Variants in NIM1K observed in about 807,000 individuals in gnomAD.
NIM1K encodes the protein serine/threonine-protein kinase NIM1.
Under a neutral mutation model 37.1 loss-of-function variants are expected in NIM1K, and 35 were observed. That is an observed-to-expected ratio of 0.94 (90% confidence interval 0.72 to 1.25). The LOEUF is 1.25. NIM1K is among the 50% of genes most tolerant of loss of function. The pLI, the probability that NIM1K is intolerant of heterozygous loss-of-function variation, is 0.00. For synonymous variants in NIM1K, 234 were observed against 206.6 expected, an observed-to-expected ratio of 1.13 and a Z score of -1.14; for missense variants, 564 against 548.0, an observed-to-expected ratio of 1.03 and a Z score of -0.29.
chr5:43,222,228 C>T (rs1752390638), intron 1 of NIM1K, among the ~76,000 whole-genome samples: 2 of 152,228 alleles, frequency 1.3e-5, no homozygotes, highest in South Asian at 4.2e-4. Context: ...TGTCCAATCA[C>T]TGAAGGGTGA....
At chr5:43,264,173 C>T (rs557682634) in intron 2 of NIM1K, among the ~76,000 whole-genome samples, 3 of 152,222 alleles carry the variant, frequency 2.0e-5, no homozygotes, top group Non-Finnish European at 2.9e-5. Context: ...TCCTGGATAT[C>T]CTTGTTAACT....
intron 2 of NIM1K, among the ~76,000 whole-genome samples, chr5:43,266,000 G>A (rs935574387): frequency 6.6e-6 from 1 of 152,202 alleles, no homozygotes; most frequent in Non-Finnish European, 1.5e-5. Context: ...CATCTCAGAG[G>A]GTCACCCAGC....
intron 2 of NIM1K, among the ~76,000 whole-genome samples, chr5:43,271,608 G>A (rs1753258224): frequency 6.6e-6 from 1 of 152,226 alleles, no homozygotes; most frequent in South Asian, 2.1e-4. Flanking sequence ...CTTGCATCTT[G>A]CAAAACTATA....
chr5:43,245,670 C>G lies in NIM1K; in HGVS notation c.-106C>G, dbSNP rs1437410937. 2 of 1,112,230 alleles carry G rather than the reference C, an allele frequency of 1.8e-6. No homozygotes were observed. Among genetic ancestry groups the G allele is most frequent in the African/African-American group, 1.6e-5 (1 of 63,738 alleles). The allele number at this position is 1,112,230 out of a possible 1,614,324, so 68.9% of individuals were successfully genotyped here. ...AGCTCTCAGGAAAACTCTTTTGAAC[C>G]CTGGGCACCTGCTGTCCTCAGTTGG... On this transcript the variant is annotated 5_prime_UTR_variant, in exon 2 of 4. Coordinates refer to ENST00000326035, the MANE Select transcript of NIM1K (RefSeq NM_153361.4).
rs1404445871 is a variant in NIM1K at position 43,210,932 on chromosome 5, AGGCCAAGGCAGGCG to A, written c.-695+18523_-695+18536del. ...ACGCCTGTAATCCCAGCACTTTGGG[AGGCCAAGGCAGGCG>A]GATCACTTGAGGTCGGGAGTTGGAG... On this transcript the variant is annotated intron_variant, in intron 1 of 3. Transcript: ENST00000326035. Among the ~76,000 whole-genome samples the A allele has an allele frequency of 5.3e-5, 8 of 152,312 alleles. No individual in the cohort carries two copies. In the South Asian group the frequency reaches 1.0e-3, roughly 20 times the overall value.
chr5:43,200,555 C>A (rs1447160606), intron 1 of NIM1K, among the ~76,000 whole-genome samples: 1 of 152,140 alleles, frequency 6.6e-6, no homozygotes, highest in African/African-American at 2.4e-5. Context: ...CCGCCTCAGC[C>A]TCCCAAAGTG....
At position 43,245,602 on chromosome 5, in the gene NIM1K, G is replaced by A. The variant is rs1014699355; in HGVS notation, c.-174G>A. 3.4e-6 allele frequency: 2 copies of A among 596,302 alleles called. No homozygotes were observed. The highest frequency in any genetic ancestry group is 1.8e-5 in the African/African-American group (1 of 54,150). The allele number at this position is 596,302 out of a possible 1,614,324, so 36.9% of individuals were successfully genotyped here. On this transcript the variant is annotated 5_prime_UTR_variant, in exon 2 of 4. Transcript: ENST00000326035. Reference sequence around the variant, plus strand: ...TGGGCTGGGCAGACTCAGCTACCACGTTCACTGCCTTCCTCTCACTAAAGC... The same window carrying A: ...TGGGCTGGGCAGACTCAGCTACCACATTCACTGCCTTCCTCTCACTAAAGC...
At chr5:43,213,496 T>C (rs1752251198) in intron 1 of NIM1K, among the ~76,000 whole-genome samples, 1 of 147,388 alleles carries the variant, frequency 6.8e-6, no homozygotes, top group South Asian at 2.1e-4. Context: ...CATCTGGCTA[T>C]TTTTTTTTTC....
chr5:43,252,875 A>T (rs949147271), intron 2 of NIM1K, among the ~76,000 whole-genome samples: 1 of 150,790 alleles, frequency 6.6e-6, no homozygotes, highest in African/African-American at 2.4e-5. Context: ...TGCCCTTCTG[A>T]CTTCTTCCTT....
rs371887386 is a variant in NIM1K, at chr5:43,194,401, C to G, written c.-695+1990C>G. On this transcript the variant is annotated intron_variant, in intron 1 of 3. Transcript: ENST00000326035. The stretch of plus-strand genomic sequence containing the variant: ...CTGTTAAATGGTAAGCCTGGAAAAA[C>G]CTTCAGAGAAGCCTCCTTCTGTGTT... Among the ~76,000 whole-genome samples, 3 of 152,138 alleles carry G rather than the reference C, an allele frequency of 2.0e-5. No homozygotes were observed. The East Asian group carries it at 5.8e-4, about 29-fold the overall frequency.
intron 1 of NIM1K, among the ~76,000 whole-genome samples, chr5:43,237,152 C>T (rs1212529602): frequency 6.6e-6 from 1 of 152,208 alleles, no homozygotes; most frequent in Non-Finnish European, 1.5e-5. Flanking sequence ...GAAACCAATG[C>T]CTGGCCTTGC....
rs369182536 is a variant in NIM1K, at chr5:43,264,210, T to G, written c.293-12847T>G. On this transcript the variant is annotated intron_variant, in intron 2 of 3. Transcript: ENST00000326035. Reference sequence around the variant, plus strand: ...TCTGTCTCATTGATCTGTCTAATGTTGACAGTGGGGTGTCAAAGCCTCCCA... The same window carrying G: ...TCTGTCTCATTGATCTGTCTAATGTGGACAGTGGGGTGTCAAAGCCTCCCA... Among the ~76,000 whole-genome samples, 13 of 152,214 alleles carry G rather than the reference T, an allele frequency of 8.5e-5. No homozygotes were observed. In the East Asian group the frequency reaches 1.3e-3, roughly 16 times the overall value.
At chr5:43,232,777 C>T (rs755597714) in intron 1 of NIM1K, 33 of 1,093,942 alleles carry the variant, frequency 3.0e-5, no homozygotes, top group Non-Finnish European at 3.8e-5. Flanking sequence ...GAAGCCTTGG[C>T]GATCCATGCA....
intron 2 of NIM1K, among the ~76,000 whole-genome samples, chr5:43,266,257 G>A (rs147085347): frequency 0.032 from 4,873 of 151,016 alleles, 287 homozygotes; most frequent in African/African-American, 0.11. Flanking sequence ...CTTGAGCTGT[G>A]GGGGGCTCCA....
At chr5:43,234,660 A>G (rs1752591457) in intron 1 of NIM1K, among the ~76,000 whole-genome samples, 1 of 152,160 alleles carries the variant, frequency 6.6e-6, no homozygotes. Context: ...ATTTTGACAC[A>G]GTCTTGCTCT....
chr5:43,246,562 C>T (rs1441184269), intron 2 of NIM1K, among the ~76,000 whole-genome samples: 1 of 151,782 alleles, frequency 6.6e-6, no homozygotes, highest in Non-Finnish European at 1.5e-5. Context: ...CCCCGATGGG[C>T]GCTGTCTCTG....
At chr5:43,253,102 CA>C (rs1320123944) in intron 2 of NIM1K, among the ~76,000 whole-genome samples, 1 of 147,888 alleles carries the variant, frequency 6.8e-6, no homozygotes, top group Non-Finnish European at 1.5e-5. Flanking sequence ...CTCAGCCTCC[CA>C]AAGCACTGGG....
chr5:43,236,052 A>C (rs1214709504), intron 1 of NIM1K, among the ~76,000 whole-genome samples: 3 of 152,186 alleles, frequency 2.0e-5, no homozygotes, highest in Non-Finnish European at 4.4e-5. Flanking sequence ...AGGAGGGTGG[A>C]TTACTCGAGA....
At chr5:43,256,633 G>A (rs563014128) in intron 2 of NIM1K, among the ~76,000 whole-genome samples, 1 of 152,282 alleles carries the variant, frequency 6.6e-6, no homozygotes, top group Non-Finnish European at 1.5e-5. Context: ...TCAATGGCTA[G>A]TCTCTCTGTC....
Sources: gnomAD v4.1 joint callset for allele counts (sites outside exome capture counted in the v4.1 genomes callset) on GRCh38, gnomAD v4.1.1 for gene constraint, MANE v1.5 for transcripts, NCBI Gene and HGNC (gene_info 2026-07-23, HGNC 2026-07-21) for gene names.